MYBBP1A: variants seen among roughly 807,000 people sequenced by gnomAD.
MYBBP1A encodes the protein MYB binding protein 1a.
Under a neutral mutation model 136.3 loss-of-function variants are expected in MYBBP1A, and 147 were observed. The observed-to-expected ratio is 1.08, with a 90% CI of 0.94 to 1.24. The LOEUF (loss-of-function observed/expected upper bound fraction) is 1.24, where lower values mean the gene tolerates loss of function less well. MYBBP1A is among the 50% of genes most tolerant of loss of function. The probability of loss-of-function intolerance (pLI) is 0.00; values close to 1 mark genes in which losing one functional copy is unlikely to be tolerated. For synonymous variants in MYBBP1A, 947 were observed against 735.8 expected, an observed-to-expected ratio of 1.29 and a Z score of -4.65; for missense variants, 2,060 against 1,727.4, an observed-to-expected ratio of 1.19 and a Z score of -3.41.
rs1906215758 is a variant in MYBBP1A at position 4,539,983 on chromosome 17, C to T, written c.3435-16G>A. The T allele has an allele frequency of 6.3e-7, 1 of 1,596,476 alleles. No individual in the cohort carries two copies. The highest frequency in any genetic ancestry group is 8.5e-7 in the Non-Finnish European group (1 of 1,178,424). On this transcript the variant is annotated splice_polypyrimidine_tract_variant and intron_variant, in intron 25 of 25. Coordinates refer to ENST00000254718, the MANE Select transcript of MYBBP1A (RefSeq NM_014520.4). ...CTTGGGGCGCCTGAAGGGAAGTGAG[C>T]AAGGTTAGAAGGTGCCCATCGAGGG...
At chr17:4,553,416 T>C (rs1344078680) in intron 5 of MYBBP1A, among the ~76,000 whole-genome samples, 2 of 152,222 alleles carry the variant, frequency 1.3e-5, no homozygotes, top group African/African-American at 2.4e-5. Context: ...CCAGGCACAG[T>C]TCCAGAGCTG....
At chr17:4,549,474 C>T in intron 9 of MYBBP1A, 32 bp from the exon 10 acceptor site, 1 of 1,593,854 alleles carries the variant, frequency 6.3e-7, no homozygotes, top group Non-Finnish European at 8.6e-7. Context: ...TCATGTGAGC[C>T]ACTTATAACT....
Position 4,540,020 on chromosome 17 carries a change from G to A in MYBBP1A, c.3435-53C>T, listed in dbSNP as rs1017764177. Reference sequence around the variant, plus strand: ...GTGCCCATCGAGGGCAGCAGCCACCGCCACCGCGACTGCTACCTCCACCTG... The same window carrying A: ...GTGCCCATCGAGGGCAGCAGCCACCACCACCGCGACTGCTACCTCCACCTG... On this transcript the variant is annotated intron_variant, in intron 25 of 25. Coordinates refer to ENST00000254718, the MANE Select transcript of MYBBP1A (RefSeq NM_014520.4). 4.1e-5 allele frequency: 64 copies of A among 1,554,326 alleles called. No homozygotes were observed. The South Asian group carries it at 4.4e-4, about 11-fold the overall frequency.
Position 4,552,284 on chromosome 17 carries a change from T to G in MYBBP1A, c.746A>C (p.Asn249Thr). ...AGAGGAGGCGGCCATCTTCAGCACA[T>G]TCACCAGCCTGCGGAGGGCAAGGGA... is the stretch of plus-strand genomic sequence containing the variant. ...FSDENVPRLV[N>T]VLKMAASSVK... Residue 249 changes from asparagine (N) to threonine (T), a missense_variant, in exon 7 of 26, where the codon AAT (asparagine) becomes ACT (threonine). Transcript: ENST00000254718. The surrounding 1 kb of genome is among the most constrained non-coding windows in gnomAD (Gnocchi z 4.7). 1 of 1,614,008 alleles carries G rather than the reference T, an allele frequency of 6.2e-7. No individual in the cohort carries two copies. The highest frequency in any genetic ancestry group is 8.5e-7 in the Non-Finnish European group (1 of 1,180,018).
At chr17:4,551,621 A>G (rs1418125186) in intron 8 of MYBBP1A, among the ~76,000 whole-genome samples, 2 of 152,230 alleles carry the variant, frequency 1.3e-5, no homozygotes, top group Non-Finnish European at 2.9e-5. Context: ...AGGCAGGAGA[A>G]TCGCTTGAAC....
Position 4,548,667 on chromosome 17 carries a change from G to C in MYBBP1A, c.1431-18C>G. The C allele has an allele frequency of 6.2e-7, 1 of 1,613,978 alleles. No homozygotes were observed. The highest frequency in any genetic ancestry group is 8.5e-7 in the Non-Finnish European group (1 of 1,179,990). On this transcript the variant is annotated intron_variant, in intron 10 of 25. Transcript: ENST00000254718. This position sits in a 1 kb window ranked among gnomAD's most constrained non-coding sequence, Gnocchi z 4.2. ...AACAAAACCTGGGGAGGGTGGGAGA[G>C]TGGCCATAGCCATTCACTGCCATTG...
At position 4,550,255 on chromosome 17, in the gene MYBBP1A, T is replaced by C. The variant is rs374086128; in HGVS notation, c.1122A>G (p.Leu374=). 85 of 1,613,458 alleles carry C rather than the reference T, an allele frequency of 5.3e-5. No individual in the cohort carries two copies. The highest frequency in any genetic ancestry group is 6.9e-5 in the Non-Finnish European group (82 of 1,180,046). ...QDDPERQLAV[L]VAFSSVTNQG... is the part of the protein sequence containing the mutation. The stretch of plus-strand genomic sequence containing the variant: ...GGTTGGTGACAGATGAGAAGGCCAC[T>C]AGCACGGCCAGCTGCCGCTCAGGGT... The change falls in exon 9 of 26, where the codon CTA becomes CTG. Residue 374 remains leucine, a synonymous_variant. Transcript: ENST00000254718.
Position 4,542,727 on chromosome 17 carries a change from C to T in MYBBP1A, c.2907G>A (p.Leu969=), listed in dbSNP as rs759289140. 4 of 1,613,442 alleles carry T rather than the reference C, an allele frequency of 2.5e-6. No homozygotes were observed. The highest frequency in any genetic ancestry group is 4.5e-5 in the East Asian group (2 of 44,878). Residue 969 remains leucine, a synonymous_variant, in exon 21 of 26, where the codon TTG becomes TTA. Coordinates refer to ENST00000254718, the MANE Select transcript of MYBBP1A (RefSeq NM_014520.4). ...MPTGPQAASC[L]DLNLVTRVYS... is the part of the protein sequence containing the mutation. ...ACACCCGGGTCACCAGGTTCAAGTCCAAGCAGCTGGCAGCCTAGGCCAGGG... is the reference window on the plus strand; with the variant it reads ...ACACCCGGGTCACCAGGTTCAAGTCTAAGCAGCTGGCAGCCTAGGCCAGGG...
In MYBBP1A at chr17:4,539,337, C is replaced by G. The variant is rs1244284585; in HGVS notation, c.*78G>C. On this transcript the variant is annotated 3_prime_UTR_variant, in exon 26 of 26. Transcript: ENST00000254718. ...TTAGAAACAGCTTGCGTATTAAAAT[C>G]ATGGTTTAAAAAAAAAAAAAAAAAA... The G allele has an allele frequency of 1.9e-5, 28 of 1,492,076 alleles. No homozygotes were observed. Among genetic ancestry groups the G allele is most frequent in the Non-Finnish European group, 2.3e-5 (26 of 1,130,442 alleles). The allele number at this position is 1,492,076 out of a possible 1,614,324, so 92.4% of individuals were successfully genotyped here.
chr17:4,545,139 C>T lies in MYBBP1A; in HGVS notation c.2197G>A (p.Glu733Lys). The T allele has an allele frequency of 1.2e-6, 2 of 1,613,302 alleles. No homozygotes were observed. Among genetic ancestry groups the T allele is most frequent in the Non-Finnish European group, 8.5e-7 (1 of 1,179,896 alleles). ...SEEGEDNRSS[E>K]SEEESEGEES... Reference sequence around the variant, plus strand: ...TCCCCCTCGCTCTCCTCTTCACTCTCTGAGCTTCTGTTGTCCTCACCTTCC... The same window carrying T: ...TCCCCCTCGCTCTCCTCTTCACTCTTTGAGCTTCTGTTGTCCTCACCTTCC... Residue 733 changes from glutamate to lysine, a missense_variant, in exon 17 of 26, where the codon GAG becomes AAG. Physicochemically the swap from Glu to Lys is moderately conservative, Grantham distance 56 (BLOSUM62 1). Transcript: ENST00000254718.
chr17:4,544,264 G>GGGCACTGTT (rs1175118953), intron 19 of MYBBP1A, among the ~76,000 whole-genome samples: 1 of 151,954 alleles, frequency 6.6e-6, no homozygotes, highest in East Asian at 1.9e-4. Flanking sequence ...CCCAGCTCCA[G>GGGCACTGTT]GGCACTGTTG....
chr17:4,539,938 T>C lies in MYBBP1A; in HGVS notation c.3464A>G (p.Lys1155Arg), dbSNP rs1209372312. Residue 1155 changes from lysine to arginine, a missense_variant, in exon 26 of 26, where the codon AAG becomes AGG. Transcript: ENST00000254718. ...GCTCTGGGTGGCACTGGGGATCTCC[T>C]TGGCATCCTTCTTCTCCAACTTGGG... ...QRPKLEKKDA[K>R]EIPSATQSPI... 6.3e-7 allele frequency: 1 copy of C among 1,599,102 alleles called. No homozygotes were observed. The highest frequency in any genetic ancestry group is 1.3e-5 in the African/African-American group (1 of 74,904).
rs118012298 is a variant in MYBBP1A, at chr17:4,544,935, G to A, written c.2311-14C>T. Reference sequence around the variant, plus strand: ...GTCCTCTCCACCCTGAGGGACAGAGGCCCAGCGGTCAGCCAGGCCTCGGGC... The same window carrying A: ...GTCCTCTCCACCCTGAGGGACAGAGACCCAGCGGTCAGCCAGGCCTCGGGC... On this transcript the variant is annotated splice_polypyrimidine_tract_variant and intron_variant, in intron 17 of 25. Transcript: ENST00000254718. 0.069 allele frequency: 109,905 copies of A among 1,591,630 alleles called. 4,614 individuals are homozygous for A. The highest frequency in any genetic ancestry group is 0.082 in the Non-Finnish European group (95,854 of 1,167,726).
At position 4,541,455 on chromosome 17, in the gene MYBBP1A, C is replaced by T. The variant is rs745926189; in HGVS notation, c.3297+8G>A. On this transcript the variant is annotated splice_region_variant and intron_variant, in intron 24 of 25. Coordinates refer to ENST00000254718, the MANE Select transcript of MYBBP1A (RefSeq NM_014520.4). Reference sequence around the variant, plus strand: ...CGAACACGACCGCGGACTGGGCCCCCGCCTCACCTCATGTTTGCAGGTCCT... The same window carrying T: ...CGAACACGACCGCGGACTGGGCCCCTGCCTCACCTCATGTTTGCAGGTCCT... The T allele has an allele frequency of 1.6e-5, 26 of 1,611,740 alleles. No individual in the cohort carries two copies. The highest frequency in any genetic ancestry group is 8.3e-5 in the Admixed American group (5 of 60,034).
rs762293303 is a variant in MYBBP1A at position 4,549,383 on chromosome 17, AC to A, written c.1378del (p.Val460TrpfsTer12). ...CTCCATCTCCAGGTGCAGGCTGTCC[AC>A]AATGCTCACCAATCGAAAGATGATC... ...KWIIFRLVSIVDSLHLEMEEA... is the reference protein window; with the variant it reads ...KWIIFRLVSIXDSLHLEMEEA... On this transcript the variant is annotated frameshift_variant, in exon 10 of 26. Coordinates refer to ENST00000254718, the MANE Select transcript of MYBBP1A (RefSeq NM_014520.4). LOFTEE classifies it high-confidence loss of function. 3 of 1,613,178 alleles carry A rather than the reference AC, an allele frequency of 1.9e-6. No homozygotes were observed. Among genetic ancestry groups the A allele is most frequent in the African/African-American group, 1.3e-5 (1 of 74,940 alleles).
In MYBBP1A at chr17:4,548,888, G is replaced by C. The variant is rs545390342; in HGVS notation, c.1431-239C>G. 6.6e-6 allele frequency among the ~76,000 whole-genome samples: 1 copy of C among 152,222 alleles called. No individual in the cohort carries two copies. The highest frequency in any genetic ancestry group is 1.5e-5 in the Non-Finnish European group (1 of 68,018). ...GCTGAACGCGGGTTAACCCGAGCTA[G>C]AGAGAGTCAGTGCCCCTCTCAAGGA... On this transcript the variant is annotated intron_variant, in intron 10 of 25. Coordinates refer to ENST00000254718, the MANE Select transcript of MYBBP1A (RefSeq NM_014520.4). The surrounding 1 kb of genome is among the most constrained non-coding windows in gnomAD (Gnocchi z 4.2).
At position 4,539,510 on chromosome 17, in the gene MYBBP1A, T is replaced by TC; in HGVS notation, c.3891dup (p.Lys1298GlufsTer47). 2 of 1,614,120 alleles carry TC rather than the reference T, an allele frequency of 1.2e-6. No homozygotes were observed. The highest frequency in any genetic ancestry group is 1.7e-6 in the Non-Finnish European group (2 of 1,180,022). ...ATGACCAAAGACAGCCTTGCCTTTTTCCGTGCCAGCGCGGACAGTGGTGAT... is the reference window on the plus strand; with the variant it reads ...ATGACCAAAGACAGCCTTGCCTTTTTCCCGTGCCAGCGCGGACAGTGGTGAT... On this transcript the variant is annotated frameshift_variant, in exon 26 of 26. Coordinates refer to ENST00000254718, the MANE Select transcript of MYBBP1A (RefSeq NM_014520.4). LOFTEE classifies it low-confidence loss of function (END_TRUNC).
In MYBBP1A at chr17:4,552,542, C is replaced by CTA; in HGVS notation, c.644_645dup (p.Glu216Ter). ...TTCTGCTGGGCCAGGAGGAAGAGCT[C>CTA]TAGCTGTTCAGGGGAGCTGAGTATT... On this transcript the variant is annotated frameshift_variant, in exon 6 of 26. Coordinates refer to ENST00000254718, the MANE Select transcript of MYBBP1A (RefSeq NM_014520.4). LOFTEE classifies it high-confidence loss of function. The surrounding 1 kb of genome is among the most constrained non-coding windows in gnomAD (Gnocchi z 4.7). 6.2e-7 allele frequency: 1 copy of CTA among 1,614,080 alleles called. No homozygotes were observed. The highest frequency in any genetic ancestry group is 8.5e-7 in the Non-Finnish European group (1 of 1,180,042).
In MYBBP1A at chr17:4,539,497, A is replaced by G. The variant is rs745380894; in HGVS notation, c.3905T>C (p.Leu1302Pro). ...LSALARKKAR[L>P]SLVIRSPSLL... is the part of the protein sequence containing the mutation. ...GCTGGGACTCCTGATGACCAAAGAC[A>G]GCCTTGCCTTTTTCCGTGCCAGCGC... Residue 1302 changes from leucine to proline, a missense_variant, in exon 26 of 26, where the codon CTG (leucine) becomes CCG (proline). Physicochemically the swap from Leu to Pro is moderately conservative, Grantham distance 98 (BLOSUM62 -3). Transcript: ENST00000254718. 2 of 1,614,166 alleles carry G rather than the reference A, an allele frequency of 1.2e-6. No individual in the cohort carries two copies. Among genetic ancestry groups the G allele is most frequent in the South Asian group, 2.2e-5 (2 of 91,082 alleles).
Sources: allele counts gnomAD v4.1 joint callset (sites outside exome capture counted in the v4.1 genomes callset), GRCh38; gene constraint gnomAD v4.1.1; non-coding constraint Gnocchi (gnomAD v3.1); transcripts MANE v1.5; gene names NCBI Gene and HGNC (gene_info 2026-07-23, HGNC 2026-07-21).